Variants in ERAP1 observed in about 807,000 individuals in gnomAD.
ERAP1 encodes adipocyte-derived leucine aminopeptidase.
Under a neutral mutation model 103.7 loss-of-function variants are expected in ERAP1, and 86 were observed. The ratio of observed to expected loss-of-function variants is 0.83; its 90% confidence interval spans 0.70 to 0.99. The LOEUF is 0.99. Among genes scored for constraint, ERAP1 ranks in the 50% least tolerant of loss-of-function variants. ERAP1 has a pLI of 0.00. For missense variants in ERAP1, 1,009 were observed against 1,128.4 expected (o/e 0.89, Z 1.52); for synonymous variants, 398 against 402.4 (o/e 0.99, Z 0.13).
the ERAP1 span, among the ~76,000 whole-genome samples, chr5:96,819,535 GAAAAT>G: frequency 1.3e-5 from 2 of 152,232 alleles, no homozygotes; most frequent in Admixed American, 1.3e-4. Context: ...GAGAGAGAGA[GAAAAT>G]AAAATGTTTT....
At chr5:96,929,141 G>A in the ERAP1 span, among the ~76,000 whole-genome samples, 1 of 152,128 alleles carries the variant, frequency 6.6e-6, no homozygotes, top group African/African-American at 2.4e-5. Flanking sequence ...CCAAGTCAAG[G>A]GCCAAACAGT....
the ERAP1 span, among the ~76,000 whole-genome samples, chr5:96,926,354 C>A: frequency 6.6e-6 from 1 of 152,098 alleles, no homozygotes; most frequent in African/African-American, 2.4e-5. Flanking sequence ...GTTTATAATT[C>A]AATGGTTTTT....
intron 18 of ERAP1, among the ~76,000 whole-genome samples, chr5:96,777,909 T>C (rs904820834): frequency 5.3e-5 from 8 of 152,218 alleles, no homozygotes; most frequent in Admixed American, 5.2e-4. Flanking sequence ...GACTTGGCTC[T>C]TTAAGAACAA....
At chr5:96,841,691 G>A in the ERAP1 span, among the ~76,000 whole-genome samples, 1 of 150,324 alleles carries the variant, frequency 6.7e-6, no homozygotes, top group Admixed American at 6.6e-5. Context: ...AAGGAAGTTA[G>A]AGTAGTAAGA....
At chr5:96,896,355 A>G in the ERAP1 span, 23 of 1,594,616 alleles carry the variant, frequency 1.4e-5, no homozygotes, top group Admixed American at 3.9e-4. Context: ...AAAACTAAAC[A>G]TTTTTCTCCC....
intron 8 of ERAP1, among the ~76,000 whole-genome samples, chr5:96,791,288 A>G (rs1776705413): frequency 2.0e-5 from 3 of 152,182 alleles, no homozygotes; most frequent in African/African-American, 7.2e-5. Context: ...AGGGCATATA[A>G]ATAAGGGAAG....
chr5:96,798,021 G>C (rs1777537046), intron 3 of ERAP1, among the ~76,000 whole-genome samples: 1 of 152,082 alleles, frequency 6.6e-6, no homozygotes, highest in Non-Finnish European at 1.5e-5. Flanking sequence ...CTTCTGTTCT[G>C]CTGTATAACT....
At chr5:96,888,767 T>C in the ERAP1 span, among the ~76,000 whole-genome samples, 2,791 of 152,328 alleles carry the variant, frequency 0.018, 103 homozygotes, top group African/African-American at 0.063. Context: ...AATAAGTTCT[T>C]CATGGCTTCC....
the ERAP1 span, among the ~76,000 whole-genome samples, chr5:96,877,325 C>A: frequency 2.0e-5 from 3 of 152,136 alleles, no homozygotes; most frequent in Non-Finnish European, 2.9e-5. Flanking sequence ...CCTTTACAAC[C>A]CTTACTAGTT....
At chr5:96,827,394 G>T in the ERAP1 span, among the ~76,000 whole-genome samples, 9 of 152,322 alleles carry the variant, frequency 5.9e-5, no homozygotes, top group Non-Finnish European at 2.9e-5. Context: ...GGGCGCGATG[G>T]CTCACGCCTA....
chr5:96,841,499 G>A, the ERAP1 span, among the ~76,000 whole-genome samples: 64 of 152,298 alleles, frequency 4.2e-4, no homozygotes, highest in East Asian at 0.011. Flanking sequence ...AGATGGAGCA[G>A]GGATCTCTCT....
At chr5:96,774,164 G>T (rs1452140990), downstream of ERAP1, 1 of 153,620 alleles carries the variant, frequency 6.5e-6, no homozygotes, top group African/African-American at 2.4e-5. Flanking sequence ...TTGCTTTTTT[G>T]TTTTCTTTTT....
the ERAP1 span, among the ~76,000 whole-genome samples, chr5:96,851,966 C>G: frequency 6.6e-6 from 1 of 152,142 alleles, no homozygotes; most frequent in African/African-American, 2.4e-5. Context: ...AAGCAGCAAG[C>G]CGTCTGACAG....
At chr5:96,851,264 G>A in the ERAP1 span, among the ~76,000 whole-genome samples, 1 of 152,296 alleles carries the variant, frequency 6.6e-6, no homozygotes, top group South Asian at 2.1e-4. Flanking sequence ...TTCTGTCCCT[G>A]TTGAAATATT....
At chr5:96,824,423 T>A in the ERAP1 span, among the ~76,000 whole-genome samples, 2 of 152,308 alleles carry the variant, frequency 1.3e-5, no homozygotes, top group Middle Eastern at 3.4e-3. Flanking sequence ...GATCCTATCC[T>A]CCTGCTTAGG....
At chr5:96,826,022 T>A in the ERAP1 span, among the ~76,000 whole-genome samples, 1 of 152,236 alleles carries the variant, frequency 6.6e-6, no homozygotes. Context: ...GTTATTTGAT[T>A]CGTTGCTTAT....
chr5:96,895,800 C>T, the ERAP1 span, among the ~76,000 whole-genome samples: 83,289 of 151,996 alleles, frequency 0.55, 22,868 homozygotes, highest in Admixed American at 0.59. Context: ...TCTTCAGGTA[C>T]GTCTTTTTTA....
At chr5:96,915,886 T>C in the ERAP1 span, 1 of 833,136 alleles carries the variant, frequency 1.2e-6, no homozygotes, top group Non-Finnish European at 1.8e-6. Context: ...AAAAGTTGTT[T>C]GTCCAATGCC....
At chr5:96,887,088 TATATATATATATACACACAC>T in the ERAP1 span, among the ~76,000 whole-genome samples, 1 of 93,578 alleles carries the variant, frequency 1.1e-5, no homozygotes, top group South Asian at 4.6e-4. Flanking sequence ...TATATATATA[TATATATATATATACACACAC>T]ACACACACAC....
Sources: gnomAD v4.1 joint callset for allele counts (sites outside exome capture counted in the v4.1 genomes callset) on GRCh38, gnomAD v4.1.1 for gene constraint, MANE v1.5 for transcripts, NCBI Gene and HGNC (gene_info 2026-07-23, HGNC 2026-07-21) for gene names.